Variants in NAALADL2 observed in about 807,000 individuals in gnomAD.
The protein encoded by NAALADL2 is inactive N-acetylated-alpha-linked acidic dipeptidase-like protein 2.
A neutral mutation model predicts 87.2 loss-of-function variants in NAALADL2; 76 were observed. The observed-to-expected ratio is 0.87, with a 90% CI of 0.72 to 1.05. NAALADL2 has a LOEUF of 1.05. NAALADL2 is among the 50% of genes least tolerant of loss of function. The pLI is 0.00. For missense variants in NAALADL2, 1,089 were observed against 945.8 expected, an observed-to-expected ratio of 1.15 and a Z score of -1.99; for synonymous variants, 354 against 331.0, an observed-to-expected ratio of 1.07 and a Z score of -0.75.
intron 6 of NAALADL2, among the ~76,000 whole-genome samples, chr3:175,452,010 A>T (rs1002510580): frequency 6.6e-6 from 1 of 152,200 alleles, no homozygotes; most frequent in Non-Finnish European, 1.5e-5. Context: ...TGTATTGAAC[A>T]TATTATCTAC....
intron 5 of NAALADL2, among the ~76,000 whole-genome samples, chr3:175,426,963 A>G (rs1291489505): frequency 3.9e-5 from 6 of 152,186 alleles, no homozygotes; most frequent in African/African-American, 1.4e-4. Flanking sequence ...GAGCAACCTC[A>G]TGATGACTGT....
At chr3:175,747,026 A>G (rs575104877) in intron 12 of NAALADL2, among the ~76,000 whole-genome samples, 30 of 152,216 alleles carry the variant, frequency 2.0e-4, no homozygotes, top group Non-Finnish European at 4.3e-4. Context: ...AATAGTTGTT[A>G]TACTGAATTG....
At chr3:174,832,952 T>C (rs1425215992) in intron 3 of NAALADL2, among the ~76,000 whole-genome samples, 3 of 152,192 alleles carry the variant, frequency 2.0e-5, no homozygotes, top group Non-Finnish European at 2.9e-5. Flanking sequence ...CATTTATATT[T>C]CTATTCATAC....
At chr3:175,738,824 C>G (rs925062624) in intron 12 of NAALADL2, among the ~76,000 whole-genome samples, 6 of 152,060 alleles carry the variant, frequency 3.9e-5, no homozygotes, top group Non-Finnish European at 7.4e-5. Context: ...AGCAGTCACT[C>G]TGGGCAACCA....
chr3:175,321,659 G>C (rs1226633572), intron 4 of NAALADL2, among the ~76,000 whole-genome samples: 1 of 98,450 alleles, frequency 1.0e-5, no homozygotes, highest in African/African-American at 4.7e-5. Context: ...CAAAATCAAT[G>C]TACAAAAATC....
intron 2 of NAALADL2, among the ~76,000 whole-genome samples, chr3:174,681,562 C>G (rs1392270473): frequency 6.6e-6 from 1 of 152,072 alleles, no homozygotes; most frequent in African/African-American, 2.4e-5. Context: ...GCTGTAGATC[C>G]TGGACATTTC....
chr3:174,493,152 T>A (rs1259744270), intron 1 of NAALADL2, among the ~76,000 whole-genome samples: 1 of 152,188 alleles, frequency 6.6e-6, no homozygotes, highest in East Asian at 1.9e-4. Context: ...TGGGCTGGAT[T>A]ATGTTCTCTC....
intron 2 of NAALADL2, among the ~76,000 whole-genome samples, chr3:174,689,451 C>G (rs1047011052): frequency 6.6e-6 from 1 of 151,326 alleles, no homozygotes; most frequent in African/African-American, 2.4e-5. Context: ...GGATCATCTT[C>G]CATTTTCCTT....
intron 2 of NAALADL2, among the ~76,000 whole-genome samples, chr3:174,613,268 A>C (rs78197765): frequency 0.19 from 28,152 of 152,056 alleles, 3,233 homozygotes; most frequent in African/African-American, 0.32. Flanking sequence ...GGTCTTGCCC[A>C]AGGCCTGCTG....
At chr3:175,309,492 C>A (rs1758092226) in intron 4 of NAALADL2, among the ~76,000 whole-genome samples, 2 of 151,894 alleles carry the variant, frequency 1.3e-5, no homozygotes, top group Non-Finnish European at 2.9e-5. Flanking sequence ...AGCCCATTAT[C>A]CTATTTTTAA....
chr3:175,559,494 A>T (rs1260972859), intron 9 of NAALADL2, among the ~76,000 whole-genome samples: 1 of 152,092 alleles, frequency 6.6e-6, no homozygotes, highest in Non-Finnish European at 1.5e-5. Flanking sequence ...ACAATGCTGA[A>T]CATAGGCATT....
chr3:175,141,756 A>G (rs1166820119), intron 2 of NAALADL2, among the ~76,000 whole-genome samples: 2 of 152,078 alleles, frequency 1.3e-5, no homozygotes, highest in Non-Finnish European at 2.9e-5. Flanking sequence ...GCCTTACCAA[A>G]CAAACTAATT....
intron 1 of NAALADL2, among the ~76,000 whole-genome samples, chr3:174,487,371 C>A (rs1270064742): frequency 6.6e-6 from 1 of 151,914 alleles, no homozygotes; most frequent in Non-Finnish European, 1.5e-5. Flanking sequence ...TATTAATGCC[C>A]ATTATTTCAA....
intron 1 of NAALADL2, among the ~76,000 whole-genome samples, chr3:174,492,417 A>T (rs955827750): frequency 5.9e-5 from 9 of 152,176 alleles, no homozygotes; most frequent in African/African-American, 2.2e-4. Context: ...ACCTGTTGTG[A>T]TCGGTTTTTT....
intron 9 of NAALADL2, among the ~76,000 whole-genome samples, chr3:175,479,544 A>T (rs1726164515): frequency 6.6e-6 from 1 of 151,806 alleles, no homozygotes; most frequent in Non-Finnish European, 1.5e-5. Context: ...TTCTACAAAA[A>T]CGAAGTTTCC....
intron 2 of NAALADL2, among the ~76,000 whole-genome samples, chr3:175,157,539 A>G (rs1448556419): frequency 6.6e-6 from 1 of 152,042 alleles, no homozygotes; most frequent in African/African-American, 2.4e-5. Flanking sequence ...CAATTAAACA[A>G]CTCTGAATTA....
rs534426479 is a variant in NAALADL2 at position 175,727,164 on chromosome 3, G to A, written c.1897-10142G>A. Among the ~76,000 whole-genome samples the A allele has an allele frequency of 5.9e-5, 9 of 152,132 alleles. No homozygotes were observed. The South Asian group carries it at 1.7e-3, about 28-fold the overall frequency. ...GTCGGCTCCAGAAATTCTGCAACTC[G>A]GTGCAGGGAAGGCATGCTCCAGGCT... On this transcript the variant is annotated intron_variant, in intron 11 of 13. Transcript: ENST00000454872.
intron 1 of NAALADL2, among the ~76,000 whole-genome samples, chr3:174,968,237 T>C (rs1196924069): frequency 6.6e-6 from 1 of 152,208 alleles, no homozygotes; most frequent in Non-Finnish European, 1.5e-5. Context: ...TTCCTTTTGC[T>C]ACCAGTATAG....
chr3:174,784,358 T>C (rs937145934), intron 3 of NAALADL2, among the ~76,000 whole-genome samples: 15 of 152,296 alleles, frequency 9.8e-5, no homozygotes, highest in African/African-American at 3.6e-4. Context: ...GTGGCGAGTC[T>C]TTGCAGTACA....
Sources: gnomAD v4.1 joint callset for allele counts (sites outside exome capture counted in the v4.1 genomes callset) on GRCh38, gnomAD v4.1.1 for gene constraint, MANE v1.5 for transcripts, NCBI Gene and HGNC (gene_info 2026-07-23, HGNC 2026-07-21) for gene names.